Variants in AFG2A observed in about 807,000 individuals in gnomAD.
AFG2A encodes AAA ATPase AFG2A, also known as ATPase family gene 2 protein homolog A.
chr4:123,126,831 T>A, the AFG2A span, among the ~76,000 whole-genome samples: 1 of 152,198 alleles, frequency 6.6e-6, no homozygotes, highest in Non-Finnish European at 1.5e-5. Flanking sequence ...TATGTCTTTA[T>A]TAGCAGCATG....
the AFG2A span, among the ~76,000 whole-genome samples, chr4:123,023,503 C>T: frequency 6.6e-6 from 1 of 152,130 alleles, no homozygotes; most frequent in African/African-American, 2.4e-5. Flanking sequence ...ACTGAGTATC[C>T]TATACCTATA....
chr4:123,015,658 AC>A, the AFG2A span, among the ~76,000 whole-genome samples: 1 of 149,912 alleles, frequency 6.7e-6, no homozygotes, highest in African/African-American at 2.4e-5. Context: ...GTTCCACAAA[AC>A]CGCCATTGTC....
At chr4:123,075,978 A>AAAAAAAAAC in the AFG2A span, among the ~76,000 whole-genome samples, 1 of 15,840 alleles carries the variant, frequency 6.3e-5, no homozygotes. Flanking sequence ...AACAACAACA[A>AAAAAAAAAC]AAAAAAAAAC....
the AFG2A span, among the ~76,000 whole-genome samples, chr4:123,041,292 T>G: frequency 6.9e-6 from 1 of 145,568 alleles, no homozygotes; most frequent in African/African-American, 2.5e-5. Flanking sequence ...TTTTTTTTTT[T>G]TTGTATTTTT....
chr4:123,273,902 A>G, the AFG2A span, among the ~76,000 whole-genome samples: 1 of 152,106 alleles, frequency 6.6e-6, no homozygotes, highest in Non-Finnish European at 1.5e-5. Flanking sequence ...GGGTTACTTA[A>G]CCTGTACTGA....
At chr4:123,003,619 G>A in the AFG2A span, among the ~76,000 whole-genome samples, 15 of 152,092 alleles carry the variant, frequency 9.9e-5, no homozygotes, top group Admixed American at 5.9e-4. Flanking sequence ...GCAGAACCGT[G>A]CATTTTCATG....
the AFG2A span, among the ~76,000 whole-genome samples, chr4:123,025,651 G>C: frequency 6.6e-6 from 1 of 152,028 alleles, no homozygotes; most frequent in Non-Finnish European, 1.5e-5. Flanking sequence ...AAAATGACAT[G>C]GGTGTCGGTT....
chr4:123,024,767 AGT>A, the AFG2A span, among the ~76,000 whole-genome samples: 2 of 152,114 alleles, frequency 1.3e-5, no homozygotes, highest in African/African-American at 4.8e-5. Context: ...AGCACCCCGG[AGT>A]GTGCTGTGGA....
chr4:123,215,606 A>G, the AFG2A span, among the ~76,000 whole-genome samples: 1 of 151,946 alleles, frequency 6.6e-6, no homozygotes, highest in East Asian at 1.9e-4. Flanking sequence ...TTTCCCCCTT[A>G]TGCCACAATG....
At chr4:123,066,086 G>T in the AFG2A span, among the ~76,000 whole-genome samples, 20 of 152,156 alleles carry the variant, frequency 1.3e-4, no homozygotes, top group Admixed American at 3.9e-4. Context: ...TCCAGAATTG[G>T]TTTCCACTTA....
chr4:123,062,944 G>A, the AFG2A span, among the ~76,000 whole-genome samples: 1 of 152,186 alleles, frequency 6.6e-6, no homozygotes, highest in Non-Finnish European at 1.5e-5. Flanking sequence ...ATAGAGTGCT[G>A]ATGGGTCCCA....
the AFG2A span, among the ~76,000 whole-genome samples, chr4:122,970,347 A>G: frequency 6.6e-6 from 1 of 152,170 alleles, no homozygotes; most frequent in Non-Finnish European, 1.5e-5. Context: ...AGGCCATACC[A>G]TCTAGATTTT....
At chr4:123,010,894 A>G in the AFG2A span, among the ~76,000 whole-genome samples, 1 of 152,136 alleles carries the variant, frequency 6.6e-6, no homozygotes, top group South Asian at 2.1e-4. Flanking sequence ...GTAAACTCAT[A>G]CCCCCAGCTA....
At chr4:122,953,992 C>T in the AFG2A span, among the ~76,000 whole-genome samples, 1 of 152,280 alleles carries the variant, frequency 6.6e-6, no homozygotes. Flanking sequence ...CTTTGTTGGA[C>T]CTTGGTGATG....
the AFG2A span, among the ~76,000 whole-genome samples, chr4:123,131,411 A>G: frequency 0.021 from 3,265 of 152,214 alleles, 112 homozygotes; most frequent in African/African-American, 0.074. Context: ...ACAGTTTAGT[A>G]GTATTAAGTA....
At chr4:123,246,404 C>G in the AFG2A span, among the ~76,000 whole-genome samples, 1 of 152,176 alleles carries the variant, frequency 6.6e-6, no homozygotes, top group Non-Finnish European at 1.5e-5. Context: ...TTACTTTCTT[C>G]AACAGAAAAT....
the AFG2A span, among the ~76,000 whole-genome samples, chr4:123,109,092 A>G: frequency 3.9e-5 from 6 of 152,110 alleles, no homozygotes; most frequent in African/African-American, 1.4e-4. Flanking sequence ...GAGGGGAAAA[A>G]GAGAAAGAGG....
the AFG2A span, among the ~76,000 whole-genome samples, chr4:123,212,685 TC>T: frequency 1.3e-5 from 2 of 152,104 alleles, no homozygotes. Flanking sequence ...TTCCAAGAGA[TC>T]ATCTGTATTA....
At chr4:123,051,671 A>G in the AFG2A span, among the ~76,000 whole-genome samples, 1 of 142,288 alleles carries the variant, frequency 7.0e-6, no homozygotes, top group Non-Finnish European at 1.5e-5. Context: ...GGCCTGGGAA[A>G]GTCTTTATCT....
Sources: gnomAD v4.1 joint callset for allele counts (sites outside exome capture counted in the v4.1 genomes callset) on GRCh38, gnomAD v4.1.1 for gene constraint, MANE v1.5 for transcripts, NCBI Gene and HGNC (gene_info 2026-07-23, HGNC 2026-07-21) for gene names.